GNA11: variants seen among roughly 807,000 people sequenced by gnomAD.
GNA11 encodes the protein G protein subunit alpha 11.
Under a neutral mutation model 38.2 loss-of-function variants are expected in GNA11, and 8 were observed. The ratio of observed to expected loss-of-function variants is 0.21; its 90% CI spans 0.12 to 0.38. The LOEUF is 0.38. GNA11 is among the 10% of genes least tolerant of loss of function. The probability of loss-of-function intolerance (pLI) is 1.00; values close to 1 mark genes in which losing one functional copy is unlikely to be tolerated. For missense variants in GNA11, 268 were observed against 516.3 expected, an observed-to-expected ratio of 0.52 and a Z score of 4.66; for synonymous variants, 211 against 221.4, an observed-to-expected ratio of 0.95 and a Z score of 0.42.
At chr19:3,118,270 T>A (rs1417884985) in intron 4 of GNA11, 1 of 152,032 alleles carries the variant, frequency 6.6e-6, no homozygotes, top group East Asian at 1.9e-4. Context: ...CTTAGAAAAG[T>A]CACAAGTAGA....
At chr19:3,111,435 C>T (rs973549287) in intron 2 of GNA11, among the ~76,000 whole-genome samples, 6 of 152,256 alleles carry the variant, frequency 3.9e-5, no homozygotes, top group African/African-American at 4.8e-5. Flanking sequence ...CTTTTGTGTC[C>T]GGCGTCTCTC....
chr19:3,108,442 G>A lies in GNA11; in HGVS notation c.137-1707G>A, dbSNP rs897624073. ...CAGCTGTGATTGGAACAGCACTGTGGGCAGAGGGCAACAGCGTAGGACGTG... is the reference window on the plus strand; with the variant it reads ...CAGCTGTGATTGGAACAGCACTGTGAGCAGAGGGCAACAGCGTAGGACGTG... On this transcript the variant is annotated intron_variant, in intron 1 of 6. Transcript: ENST00000078429. This position sits in a 1 kb window ranked among gnomAD's most constrained non-coding sequence, Gnocchi z 4.5. Among the ~76,000 whole-genome samples, 2 of 152,120 alleles carry A rather than the reference G, an allele frequency of 1.3e-5. No individual in the cohort carries two copies. Among genetic ancestry groups the A allele is most frequent in the African/African-American group, 4.8e-5 (2 of 41,430 alleles).
chr19:3,097,854 A>C (rs766723663), intron 1 of GNA11, among the ~76,000 whole-genome samples: 2 of 152,172 alleles, frequency 1.3e-5, no homozygotes, highest in Non-Finnish European at 2.9e-5. Context: ...TGGGCACTGC[A>C]GGGTGCTGAG....
Position 3,113,431 on chromosome 19 carries a change from C to G in GNA11, c.423C>G (p.Ile141Met), listed in dbSNP as rs2145318791. Reference protein sequence around the residue: ...AIKTLWEDPGIQECYDRRREY... With the variant: ...AIKTLWEDPGMQECYDRRREY... The stretch of plus-strand genomic sequence containing the variant: ...AGACCCTGTGGGAGGACCCGGGCAT[C>G]CAGGAATGCTACGACCGCAGGCGCG... Residue 141 changes from isoleucine (I) to methionine (M), a missense_variant, in exon 3 of 7, where the codon ATC becomes ATG. Physicochemically the swap from Ile to Met is conservative, Grantham distance 10. Coordinates refer to ENST00000078429, the MANE Select transcript of GNA11 (RefSeq NM_002067.5). 1 of 1,612,880 alleles carries G rather than the reference C, an allele frequency of 6.2e-7. No individual in the cohort carries two copies. Among genetic ancestry groups the G allele is most frequent in the Non-Finnish European group, 8.5e-7 (1 of 1,179,434 alleles).
chr19:3,116,065 G>A (rs947951635), intron 4 of GNA11, among the ~76,000 whole-genome samples: 2 of 151,878 alleles, frequency 1.3e-5, no homozygotes, highest in African/African-American at 4.8e-5. Flanking sequence ...TGTTCTTCAC[G>A]GGCTGCCCCT....
At chr19:3,113,589 T>A in intron 3 of GNA11, 105 bp downstream of exon 3, 1 of 856,042 alleles carries the variant, frequency 1.2e-6, no homozygotes, top group Non-Finnish European at 1.7e-6. Context: ...CCCTGCCTGC[T>A]CGCCGGGGGC....
Position 3,121,288 on chromosome 19 carries a change from C to A in GNA11, c.*109C>A. 1.4e-6 allele frequency: 1 copy of A among 723,868 alleles called. No homozygotes were observed. The highest frequency in any genetic ancestry group is 2.3e-6 in the Non-Finnish European group (1 of 436,240). 44.8% of individuals were successfully genotyped at this position (723,868 alleles called of 1,614,324 possible). On this transcript the variant is annotated 3_prime_UTR_variant, in exon 7 of 7. Transcript: ENST00000078429. ...TGCCGAGTCCGGGCCGGGGCCTCTGCCCGCGGGAGGAGATTTTTTTTTTTC... is the reference window on the plus strand; with the variant it reads ...TGCCGAGTCCGGGCCGGGGCCTCTGACCGCGGGAGGAGATTTTTTTTTTTC...
chr19:3,113,815 C>G (rs986815438), intron 3 of GNA11, among the ~76,000 whole-genome samples: 1 of 152,090 alleles, frequency 6.6e-6, no homozygotes, highest in African/African-American at 2.4e-5. Context: ...CCCAGGGTCT[C>G]CTAGGAGGGC....
Position 3,121,010 on chromosome 19 carries a change from C to A in GNA11, c.911C>A (p.Ala304Glu), listed in dbSNP as rs762218250. 2 of 1,612,856 alleles carry A rather than the reference C, an allele frequency of 1.2e-6. No homozygotes were observed. Residue 304 changes from alanine (A) to glutamate (E), a missense_variant, in exon 7 of 7, where the codon GCG (alanine) becomes GAG (glutamate). Ala to Glu is a moderately radical substitution (Grantham distance 107). Around this residue, in one of 3 missense-constraint regions of GNA11, gnomAD observed 92 missense variants for 166.7 expected, o/e 0.55. Coordinates refer to ENST00000078429, the MANE Select transcript of GNA11 (RefSeq NM_002067.5). ...EFDGPQRDAQ[A>E]AREFILKMFV... ...CCAGGTCCCCAGCGGGACGCCCAGG[C>A]GGCGCGGGAGTTCATCCTGAAGATG...
intron 4 of GNA11, among the ~76,000 whole-genome samples, chr19:3,116,688 C>T (rs1334451909): frequency 2.6e-5 from 4 of 152,202 alleles, no homozygotes; most frequent in South Asian, 2.1e-4. Flanking sequence ...GCGTGTGGGG[C>T]GCTAGACGGC....
chr19:3,116,542 T>C (rs1334041945), intron 4 of GNA11, among the ~76,000 whole-genome samples: 3 of 152,238 alleles, frequency 2.0e-5, no homozygotes, highest in African/African-American at 7.2e-5. Context: ...CCTCCCCGCC[T>C]GCGCCTTTGC....
chr19:3,109,439 G>A (rs374839297), intron 1 of GNA11, among the ~76,000 whole-genome samples: 5 of 152,216 alleles, frequency 3.3e-5, no homozygotes, highest in Middle Eastern at 3.2e-3. Flanking sequence ...CTCTGAGATG[G>A]GGTGGTAGCG....
intron 4 of GNA11, 172 bp downstream of exon 4, chr19:3,115,244 A>C (rs1199283639): frequency 7.9e-6 from 5 of 636,892 alleles, no homozygotes; most frequent in African/African-American, 1.9e-5. Context: ...TATCTAAAAA[A>C]AATTTTAAAA....
chr19:3,098,359 C>A lies in GNA11; in HGVS notation c.136+3572C>A, dbSNP rs1021080387. Among the ~76,000 whole-genome samples the A allele has an allele frequency of 2.0e-5, 3 of 152,258 alleles. No individual in the cohort carries two copies. In the South Asian group the frequency reaches 6.2e-4, roughly 31 times the overall value. ...GCTCTTGCAGGCCCTGCCAGCAGCT[C>A]TTGGATCTGGGTTCCCATTCCCCAG... On this transcript the variant is annotated intron_variant, in intron 1 of 6. Transcript: ENST00000078429.
chr19:3,102,730 A>G (rs572226275), intron 1 of GNA11, among the ~76,000 whole-genome samples: 104 of 152,268 alleles, frequency 6.8e-4, no homozygotes, highest in African/African-American at 2.4e-3. Context: ...GTGAAGCTGG[A>G]TGAGGGGCGT....
chr19:3,102,301 GGGGACTCTGCTGCTGTGGAGAT>G (rs1208895676), intron 1 of GNA11, among the ~76,000 whole-genome samples: 23 of 152,276 alleles, frequency 1.5e-4, no homozygotes, highest in African/African-American at 5.3e-4. Context: ...TGAGGCACCT[GGGGACTCTGCTGCTGTGGAGAT>G]GGGATTGGGT....
At chr19:3,114,074 CT>C (rs1913847010) in intron 3 of GNA11, among the ~76,000 whole-genome samples, 1 of 152,180 alleles carries the variant, frequency 6.6e-6, no homozygotes, top group African/African-American at 2.4e-5. Context: ...GGCCCCGGCC[CT>C]CCCCCAGCAC....
At chr19:3,114,903 A>G in intron 3 of GNA11, 41 bp from the exon 4 acceptor site, 1 of 1,537,830 alleles carries the variant, frequency 6.5e-7, no homozygotes, top group South Asian at 1.2e-5. Context: ...CTGCCCCCCC[A>G]CCCCCGGCAG....
chr19:3,105,608 C>T (rs1477518549), intron 1 of GNA11, among the ~76,000 whole-genome samples: 1 of 152,166 alleles, frequency 6.6e-6, no homozygotes, highest in Non-Finnish European at 1.5e-5. Context: ...CGCCTCCCAA[C>T]ACCACTGTCT....
Sources: gnomAD v4.1 joint callset for allele counts (sites outside exome capture counted in the v4.1 genomes callset) on GRCh38, gnomAD v4.1.1 for gene constraint, gnomAD v4.1.1 regional missense constraint, Gnocchi (gnomAD v3.1) non-coding constraint, MANE v1.5 for transcripts, NCBI Gene and HGNC (gene_info 2026-07-23, HGNC 2026-07-21) for gene names.